CFAP119: variants seen among roughly 807,000 people sequenced by gnomAD.
The protein encoded by CFAP119 is cilia and flagella associated protein 119, also known as cilia- and flagella-associated protein 119.
chr16:30,757,437 C>T, the CFAP119 span: 4 of 1,593,284 alleles, frequency 2.5e-6, no homozygotes, highest in Non-Finnish European at 3.4e-6. Context: ...GGGATGGTGC[C>T]ATTCTGGCCC....
At chr16:30,758,980 G>T in the CFAP119 span, 1 of 1,613,396 alleles carries the variant, frequency 6.2e-7, no homozygotes, top group Non-Finnish European at 8.5e-7. Context: ...TGCTCAGAGG[G>T]ACAGGGCAGC....
chr16:30,761,416 AC>A, the CFAP119 span: 1 of 1,414,388 alleles, frequency 7.1e-7, no homozygotes, highest in Non-Finnish European at 9.7e-7. Flanking sequence ...GGGGTCACAC[AC>A]CCCTGCCTCT....
chr16:30,761,283 G>C, the CFAP119 span: 107 of 1,610,964 alleles, frequency 6.6e-5, no homozygotes, highest in Non-Finnish European at 8.5e-5. Flanking sequence ...GGCCCGTAGC[G>C]AATCTCCAGC....
At chr16:30,759,990 T>C in the CFAP119 span, 138 of 1,461,406 alleles carry the variant, frequency 9.4e-5, no homozygotes, top group Non-Finnish European at 1.1e-4. Flanking sequence ...TCATTTCAGC[T>C]ATTAAACATT....
At chr16:30,761,937 A>C in the CFAP119 span, 6 of 615,482 alleles carry the variant, frequency 9.7e-6, no homozygotes, top group East Asian at 1.8e-4. Flanking sequence ...ACGGTTGCCA[A>C]GGGGGCTTGT....
At chr16:30,758,891 G>A in the CFAP119 span, 2 of 1,489,376 alleles carry the variant, frequency 1.3e-6, no homozygotes, top group Non-Finnish European at 1.8e-6. Context: ...TCTGCATAAG[G>A]GATCATTTAG....
At chr16:30,757,938 T>C in the CFAP119 span, 162 of 632,376 alleles carry the variant, frequency 2.6e-4, no homozygotes, top group Middle Eastern at 3.4e-3. Flanking sequence ...TTGTATGAAA[T>C]GTGGATAGTG....
the CFAP119 span, chr16:30,762,062 C>G: frequency 3.0e-5 from 13 of 440,218 alleles, no homozygotes; most frequent in Non-Finnish European, 5.3e-5. Flanking sequence ...GTTGCTAATA[C>G]GAGGGCCGGT....
the CFAP119 span, chr16:30,761,643 G>A: frequency 6.5e-7 from 1 of 1,536,010 alleles, no homozygotes; most frequent in Non-Finnish European, 8.7e-7. Context: ...GCCGACCCAT[G>A]CACTGAGCTG....
At chr16:30,757,852 G>T in the CFAP119 span, 2 of 1,388,236 alleles carry the variant, frequency 1.4e-6, no homozygotes, top group East Asian at 5.4e-5. Flanking sequence ...GGACTTTGCA[G>T]CTTCAAATTC....
the CFAP119 span, chr16:30,761,806 C>T: frequency 6.9e-7 from 1 of 1,439,502 alleles, no homozygotes; most frequent in Non-Finnish European, 9.2e-7. Context: ...GGTTCCAGGA[C>T]AGCCAGCGCT....
the CFAP119 span, chr16:30,759,325 G>T: frequency 5.6e-6 from 9 of 1,612,696 alleles, no homozygotes; most frequent in Non-Finnish European, 7.6e-6. Context: ...GGCTCCTCAT[G>T]GTCCACCACC....
At chr16:30,760,630 T>C in the CFAP119 span, 3 of 1,556,672 alleles carry the variant, frequency 1.9e-6, no homozygotes, top group African/African-American at 2.7e-5. Context: ...ATTGGTGGTC[T>C]TCTCCAGCTG....
chr16:30,758,908 G>A, the CFAP119 span: 7 of 1,524,098 alleles, frequency 4.6e-6, no homozygotes, highest in Non-Finnish European at 5.3e-6. Flanking sequence ...TTAGAGAAAG[G>A]ACTCTGACTA....
chr16:30,761,235 G>A, the CFAP119 span: 2 of 1,613,572 alleles, frequency 1.2e-6, no homozygotes, highest in Non-Finnish European at 1.7e-6. Context: ...GGCGGCTGCG[G>A]AAAGAAAGCG....
At chr16:30,759,669 A>G in the CFAP119 span, 1 of 1,614,016 alleles carries the variant, frequency 6.2e-7, no homozygotes, top group East Asian at 2.2e-5. Context: ...CTCCATGGCA[A>G]AAAAGGACAC....
At chr16:30,757,562 T>A in the CFAP119 span, 1 of 1,614,266 alleles carries the variant, frequency 6.2e-7, no homozygotes, top group Non-Finnish European at 8.5e-7. Context: ...CTTTCCTCGC[T>A]GGCCTTGAGC....
At chr16:30,760,979 AG>A in the CFAP119 span, 7 of 618,962 alleles carry the variant, frequency 1.1e-5, no homozygotes, top group Middle Eastern at 4.3e-4. Context: ...AGCGGCCATG[AG>A]ACTCCATTTA....
the CFAP119 span, chr16:30,757,851 A>C: frequency 1.4e-6 from 2 of 1,390,712 alleles, no homozygotes; most frequent in Non-Finnish European, 1.9e-6. Flanking sequence ...TGGACTTTGC[A>C]GCTTCAAATT....
Sources: allele counts gnomAD v4.1 joint callset, GRCh38; gene constraint gnomAD v4.1.1; transcripts MANE v1.5; gene names NCBI Gene and HGNC (gene_info 2026-07-23, HGNC 2026-07-21).